The following TAFA5 variants were observed in gnomAD, a reference collection of about 807,000 sequenced individuals.
TAFA5 encodes the protein chemokine-like protein TAFA-5.
TAFA5 carries 6 observed loss-of-function variants against 15.3 expected under a neutral mutation model. The observed-to-expected ratio is 0.39, with a 90% CI of 0.21 to 0.77. The LOEUF (loss-of-function observed/expected upper bound fraction) is 0.77. Ranked by LOEUF, TAFA5 falls within the 30% of genes least tolerant of loss-of-function variation. The probability of loss-of-function intolerance (pLI) is 0.41; values close to 1 mark genes in which losing one functional copy is unlikely to be tolerated. For missense variants in TAFA5, 161 were observed against 193.1 expected, an observed-to-expected ratio of 0.83 and a Z score of 0.98; for synonymous variants, 103 against 80.7, an observed-to-expected ratio of 1.28 and a Z score of -1.48.
intron 1 of TAFA5, among the ~76,000 whole-genome samples, chr22:48,601,390 C>A (rs28550921): frequency 0.76 from 115,402 of 151,996 alleles, 43,999 homozygotes; most frequent in African/African-American, 0.8. Flanking sequence ...GCAGTGGCAC[C>A]ATCTTGGCTC....
At chr22:48,569,804 G>A (rs375389836) in intron 1 of TAFA5, among the ~76,000 whole-genome samples, 10 of 152,350 alleles carry the variant, frequency 6.6e-5, no homozygotes, top group African/African-American at 2.4e-4. Context: ...TTCCAGGCCT[G>A]TCCCCAGCAT....
At chr22:48,660,188 G>A (rs1162032690) in intron 2 of TAFA5, among the ~76,000 whole-genome samples, 7 of 152,176 alleles carry the variant, frequency 4.6e-5, no homozygotes, top group Non-Finnish European at 7.3e-5. Context: ...CATTGTCTTC[G>A]GACACGCTGT....
intron 3 of TAFA5, among the ~76,000 whole-genome samples, chr22:48,729,391 AAT>A (rs984251691): frequency 3.1e-5 from 4 of 129,358 alleles, no homozygotes; most frequent in African/African-American, 1.0e-4. Context: ...GTAAATATAT[AAT>A]AGTCATAAAT....
intron 2 of TAFA5, among the ~76,000 whole-genome samples, chr22:48,663,524 G>A (rs1215340541): frequency 6.6e-6 from 1 of 152,206 alleles, no homozygotes; most frequent in Non-Finnish European, 1.5e-5. Context: ...CTGGTGGCAG[G>A]AAACTAAAAT....
chr22:48,534,937 C>T (rs917815725), intron 1 of TAFA5, among the ~76,000 whole-genome samples: 9 of 152,236 alleles, frequency 5.9e-5, no homozygotes, highest in Non-Finnish European at 1.2e-4. Flanking sequence ...TCAGCACAGA[C>T]GCCTTAGCTC....
chr22:48,581,028 G>A (rs1265712479), intron 1 of TAFA5, among the ~76,000 whole-genome samples: 2 of 152,248 alleles, frequency 1.3e-5, no homozygotes, highest in Non-Finnish European at 2.9e-5. Flanking sequence ...AGGTGTGAAT[G>A]GCTGCTGGGA....
intron 1 of TAFA5, among the ~76,000 whole-genome samples, chr22:48,629,539 A>G (rs1176779719): frequency 1.3e-5 from 2 of 152,208 alleles, no homozygotes; most frequent in Non-Finnish European, 2.9e-5. Context: ...TGAAAGGCAC[A>G]TGCATCCTCT....
intron 3 of TAFA5, among the ~76,000 whole-genome samples, chr22:48,728,328 TAAAAG>T (rs1307658198): frequency 6.6e-6 from 1 of 152,232 alleles, no homozygotes; most frequent in Non-Finnish European, 1.5e-5. Context: ...AAAGTTTTAA[TAAAAG>T]AAGAAGCCAC....
chr22:48,678,309 G>C (rs132217), intron 2 of TAFA5, among the ~76,000 whole-genome samples: 1 of 152,042 alleles, frequency 6.6e-6, no homozygotes, highest in African/African-American at 2.4e-5. Flanking sequence ...GCTGTGCCCC[G>C]GGCTCCACAC....
rs544665070 is a variant in TAFA5, at chr22:48,521,716, G to A, written c.112+32012G>A. Among the ~76,000 whole-genome samples the A allele has an allele frequency of 1.2e-3, 183 of 152,292 alleles. 5 individuals are homozygous for A. The South Asian group carries it at 0.037, about 30-fold the overall frequency. Reference sequence around the variant, plus strand: ...TCCGTTAGGTGTAAAAGGTAAATACGGCGAGAAGTTTCCATCACCACCTGG... The same window carrying A: ...TCCGTTAGGTGTAAAAGGTAAATACAGCGAGAAGTTTCCATCACCACCTGG... On this transcript the variant is annotated intron_variant, in intron 1 of 3. Transcript: ENST00000402357.
At chr22:48,610,305 C>A (rs191286277) in intron 1 of TAFA5, among the ~76,000 whole-genome samples, 3 of 152,216 alleles carry the variant, frequency 2.0e-5, no homozygotes, top group African/African-American at 7.2e-5. Context: ...GCCCGTTGCT[C>A]GTGATTCTTT....
At chr22:48,597,683 C>T (rs1020805755) in intron 1 of TAFA5, among the ~76,000 whole-genome samples, 13 of 152,256 alleles carry the variant, frequency 8.5e-5, no homozygotes, top group South Asian at 8.3e-4. Context: ...CCTCAGCTTC[C>T]GGTTCTTGGC....
intron 1 of TAFA5, among the ~76,000 whole-genome samples, chr22:48,631,481 C>T (rs934681134): frequency 6.6e-6 from 1 of 152,332 alleles, no homozygotes; most frequent in Admixed American, 6.5e-5. Flanking sequence ...CGTGGATATT[C>T]CCTGCCAGGC....
intron 1 of TAFA5, among the ~76,000 whole-genome samples, chr22:48,518,386 G>C (rs749498948): frequency 1.3e-5 from 2 of 152,138 alleles, no homozygotes; most frequent in African/African-American, 2.4e-5. Context: ...AGAGGTGCCC[G>C]TCCTCCCCAA....
chr22:48,493,536 G>A (rs372679694), intron 1 of TAFA5, among the ~76,000 whole-genome samples: 13 of 152,198 alleles, frequency 8.5e-5, no homozygotes, highest in African/African-American at 2.7e-4. Flanking sequence ...TGGAGTTCTC[G>A]AAGAGGTAAA....
intron 1 of TAFA5, among the ~76,000 whole-genome samples, chr22:48,492,559 C>T (rs1193258272): frequency 6.6e-6 from 1 of 152,134 alleles, no homozygotes; most frequent in Non-Finnish European, 1.5e-5. Context: ...ATGGGCTCCA[C>T]CGTCTGGCCG....
intron 2 of TAFA5, among the ~76,000 whole-genome samples, chr22:48,704,559 C>T (rs115963637): frequency 0.016 from 2,403 of 152,190 alleles, 56 homozygotes; most frequent in African/African-American, 0.055. Context: ...CTGGGACCCT[C>T]TGAGGGCCTG....
chr22:48,603,092 A>G (rs1925034078), intron 1 of TAFA5, among the ~76,000 whole-genome samples: 1 of 151,890 alleles, frequency 6.6e-6, no homozygotes, highest in African/African-American at 2.4e-5. Flanking sequence ...TCACCCAGGG[A>G]CCCTGGAGCC....
intron 2 of TAFA5, among the ~76,000 whole-genome samples, chr22:48,668,728 C>G (rs1927705112): frequency 6.6e-6 from 1 of 152,072 alleles, no homozygotes; most frequent in Non-Finnish European, 1.5e-5. Context: ...TGTAGTCCCC[C>G]AGCACTCGGG....
Sources: allele counts gnomAD v4.1 joint callset (sites outside exome capture counted in the v4.1 genomes callset), GRCh38; gene constraint gnomAD v4.1.1; transcripts MANE v1.5; gene names NCBI Gene and HGNC (gene_info 2026-07-23, HGNC 2026-07-21).